RBBP7: variants seen among roughly 807,000 people sequenced by gnomAD.
RBBP7 encodes the protein histone-binding protein RBBP7.
In RBBP7, 5 loss-of-function variants were observed where a neutral mutation model predicts 35.2. The ratio of observed to expected loss-of-function variants is 0.14; its 90% confidence interval spans 0.07 to 0.30. The LOEUF (loss-of-function observed/expected upper bound fraction) is 0.30, where lower values mean the gene tolerates loss of function less well. Ranked by LOEUF, RBBP7 falls within the 10% of genes least tolerant of loss-of-function variation. RBBP7 has a pLI of 1.00. For synonymous variants in RBBP7, 140 were observed against 118.7 expected, an observed-to-expected ratio of 1.18 and a Z score of -1.17; for missense variants, 155 against 327.5, an observed-to-expected ratio of 0.47 and a Z score of 4.07.
intron 9 of RBBP7, among the ~76,000 whole-genome samples, chrX:16,851,445 G>T (rs1569059778): frequency 8.9e-6 from 1 of 112,147 alleles, no homozygotes; most frequent in African/African-American, 3.2e-5. Flanking sequence ...AGGCTCAGAT[G>T]AACAAGTAAA....
chrX:16,870,159 C>A lies in RBBP7; in HGVS notation c.-106G>T. ...GCCTTTCCCAAGCGCGTCACACTCC[C>A]CACTGTCGAAAGCCCGGGCCCCGTC... is the stretch of plus-strand genomic sequence containing the variant. On this transcript the variant is annotated 5_prime_UTR_variant, in exon 1 of 12. Coordinates refer to ENST00000380087, the MANE Select transcript of RBBP7 (RefSeq NM_002893.4). The A allele has an allele frequency of 1.0e-6, 1 of 962,804 alleles. No individual in the cohort carries two copies. The highest frequency in any genetic ancestry group is 4.7e-5 in the East Asian group (1 of 21,109). The allele number at this position is 962,804 out of a possible 1,213,427, so 79.3% of individuals were successfully genotyped here. A position where few individuals can be genotyped will look rare whatever the true frequency, so the allele number is the denominator to read the frequency against.
At chrX:16,866,150 A>G (rs7055806) in intron 2 of RBBP7, among the ~76,000 whole-genome samples, 52,178 of 110,476 alleles carry the variant, frequency 0.47, 9,244 homozygotes, top group East Asian at 0.85. Flanking sequence ...TAGGTAGACA[A>G]TAAGTTAGTC....
At chrX:16,867,781 T>A (rs1321106936) in intron 2 of RBBP7, among the ~76,000 whole-genome samples, 1 of 110,396 alleles carries the variant, frequency 9.1e-6, no homozygotes, top group African/African-American at 3.3e-5. Context: ...CAAGCAATTC[T>A]CCTGCCTCTG....
At chrX:16,854,929 A>C (rs1387671609) in intron 5 of RBBP7, among the ~76,000 whole-genome samples, 1 of 110,232 alleles carries the variant, frequency 9.1e-6, no homozygotes, top group Non-Finnish European at 1.9e-5. Flanking sequence ...GTTAATAAGA[A>C]ATAATACCAT....
In RBBP7 at chrX:16,855,429, T is replaced by C. The variant is rs565387418; in HGVS notation, c.598-1587A>G. On this transcript the variant is annotated intron_variant, in intron 5 of 11. Coordinates refer to ENST00000380087, the MANE Select transcript of RBBP7 (RefSeq NM_002893.4). Reference sequence around the variant, plus strand: ...AGTAACAAAATTTTTTTTTACACAATACATATGCCCTCAGTCTCTGTTGTT... The same window carrying C: ...AGTAACAAAATTTTTTTTTACACAACACATATGCCCTCAGTCTCTGTTGTT... Among the ~76,000 whole-genome samples, 10 of 111,959 alleles carry C rather than the reference T, an allele frequency of 8.9e-5. No individual in the cohort carries two copies. In the South Asian group the frequency reaches 3.7e-3, roughly 41 times the overall value.
chrX:16,866,523 CAAAAAAAAAAAAAAA>C (rs55729039), intron 2 of RBBP7, among the ~76,000 whole-genome samples: 11 of 32,592 alleles, frequency 3.4e-4, no homozygotes, highest in South Asian at 4.2e-3. Flanking sequence ...GAGACTGTCT[CAAAAAAAAAAAAAAA>C]AAAAAAAAAA....
At chrX:16,859,346 C>A (rs1344756902) in intron 3 of RBBP7, among the ~76,000 whole-genome samples, 6 of 112,018 alleles carry the variant, frequency 5.4e-5, no homozygotes, top group Non-Finnish European at 1.1e-4. Flanking sequence ...CCACGCTAAC[C>A]CCTACCTGTC....
chrX:16,853,118 T>C (rs1894002612), intron 6 of RBBP7: 8 of 395,941 alleles, frequency 2.0e-5, no homozygotes, highest in Non-Finnish European at 3.4e-5. Context: ...ACCAACTATT[T>C]CAAGTGTACA....
At chrX:16,862,678 T>C (rs1457681716) in intron 3 of RBBP7, among the ~76,000 whole-genome samples, 1 of 111,748 alleles carries the variant, frequency 8.9e-6, no homozygotes, top group Non-Finnish European at 1.9e-5. Context: ...CCATGGCACC[T>C]GGCCTTTCTT....
chrX:16,847,887 T>A (rs1930119900), intron 10 of RBBP7: 1 of 111,151 alleles, frequency 9.0e-6, no homozygotes, highest in Non-Finnish European at 1.9e-5. Context: ...CTCTCAAATG[T>A]CCCTTGATTT....
intron 2 of RBBP7, among the ~76,000 whole-genome samples, chrX:16,868,260 C>T (rs1251293527): frequency 9.0e-6 from 1 of 111,661 alleles, no homozygotes; most frequent in Non-Finnish European, 1.9e-5. Flanking sequence ...ATATTTAATA[C>T]ACTTTAAAAG....
chrX:16,868,779 G>C lies in RBBP7; in HGVS notation c.161+297C>G, dbSNP rs144801315. ...TTTTTCAGTAAAGTTTTAAAGAAAC[G>C]CATTAGTTTGGGCCCAGAAAGATGC... On this transcript the variant is annotated intron_variant, in intron 2 of 11. Coordinates refer to ENST00000380087, the MANE Select transcript of RBBP7 (RefSeq NM_002893.4). 2.8e-3 allele frequency among the ~76,000 whole-genome samples: 317 copies of C among 112,083 alleles called. 4 individuals are homozygous for C. The highest frequency in any genetic ancestry group is 0.024 in the Admixed American group (253 of 10,583).
Position 16,865,802 on chromosome X carries a change from A to G in RBBP7, c.162-2702T>C, listed in dbSNP as rs1930600424. ...GTTTATAGAAGGAAAAAGACTGAAAATAACTAAGTATCCATCAGCAAGGAA... is the reference window on the plus strand; with the variant it reads ...GTTTATAGAAGGAAAAAGACTGAAAGTAACTAAGTATCCATCAGCAAGGAA... On this transcript the variant is annotated intron_variant, in intron 2 of 11. Coordinates refer to ENST00000380087, the MANE Select transcript of RBBP7 (RefSeq NM_002893.4). Among the ~76,000 whole-genome samples, 3 of 112,515 alleles carry G rather than the reference A, an allele frequency of 2.7e-5. No individual in the cohort carries two copies. In the Admixed American group the frequency reaches 2.8e-4, roughly 11 times the overall value.
At chrX:16,852,167 T>C in intron 8 of RBBP7, 45 bp from the exon 9 acceptor site, 2 of 1,031,276 alleles carry the variant, frequency 1.9e-6, no homozygotes, top group Non-Finnish European at 2.7e-6. Flanking sequence ...AATCATCCGC[T>C]GCTAGGTTTG....
chrX:16,855,162 C>T (rs1930319698), intron 5 of RBBP7, among the ~76,000 whole-genome samples: 1 of 109,706 alleles, frequency 9.1e-6, no homozygotes, highest in South Asian at 4.0e-4. Context: ...CAATTCTCCT[C>T]CCTCAGCCTC....
chrX:16,865,162 AT>A (rs1930583784), intron 2 of RBBP7, among the ~76,000 whole-genome samples: 1 of 109,221 alleles, frequency 9.2e-6, no homozygotes, highest in South Asian at 3.9e-4. Flanking sequence ...AGGCAAGCGG[AT>A]TGCTTGAACC....
Position 16,844,978 on chromosome X carries a change from T to A in RBBP7, c.*57A>T. 9.1e-7 allele frequency: 1 copy of A among 1,096,677 alleles called. No individual in the cohort carries two copies. 90.4% of individuals were successfully genotyped at this position (1,096,677 alleles called of 1,213,427 possible). A position where few individuals can be genotyped will look rare whatever the true frequency, so the allele number is the denominator to read the frequency against. On this transcript the variant is annotated 3_prime_UTR_variant, in exon 12 of 12. Transcript: ENST00000380087. ...TATACAATGCCTTTTTGGCGCTTGATAAATCAAGCATTCATGTAGCATTAC... is the reference window on the plus strand; with the variant it reads ...TATACAATGCCTTTTTGGCGCTTGAAAAATCAAGCATTCATGTAGCATTAC...
At chrX:16,850,278 C>T (rs1422681026) in intron 9 of RBBP7, among the ~76,000 whole-genome samples, 2 of 112,842 alleles carry the variant, frequency 1.8e-5, no homozygotes, top group African/African-American at 3.2e-5. Flanking sequence ...TTCAAGCGAT[C>T]CTCCTGCTTC....
At position 16,849,358 on chromosome X, in the gene RBBP7, C is replaced by T. The variant is rs1294527721; in HGVS notation, c.1041-57G>A. ...AGTGAAATTCTTGTAGCACGAACAT[C>T]TGCTAAACCAGTATCAGCCCAGAAA... On this transcript the variant is annotated intron_variant, in intron 9 of 11. Transcript: ENST00000380087. 5 of 1,029,565 alleles carry T rather than the reference C, an allele frequency of 4.9e-6. No homozygotes were observed. The African/African-American group carries it at 9.3e-5, about 19-fold the overall frequency. 84.8% of individuals were successfully genotyped at this position (1,029,565 alleles called of 1,213,427 possible). A position where few individuals can be genotyped will look rare whatever the true frequency, so the allele number is the denominator to read the frequency against.
Sources: allele counts gnomAD v4.1 joint callset (sites outside exome capture counted in the v4.1 genomes callset), GRCh38; gene constraint gnomAD v4.1.1; transcripts MANE v1.5; gene names NCBI Gene and HGNC (gene_info 2026-07-23, HGNC 2026-07-21).